Variants in MROH1 observed in about 807,000 individuals in gnomAD.
The protein encoded by MROH1 is maestro heat-like repeat-containing protein family member 1.
MROH1 carries 117 observed loss-of-function variants against 116.5 expected under a neutral mutation model. The observed-to-expected ratio is 1.00, with a 90% CI of 0.86 to 1.17. MROH1 has a LOEUF of 1.17. MROH1 is among the 50% of genes most tolerant of loss of function. MROH1 has a pLI of 0.00. For synonymous variants in MROH1, 921 were observed against 583.9 expected (o/e 1.58, Z -8.32); for missense variants, 1,873 against 1,338.5 (o/e 1.40, Z -6.23).
chr8:144,255,409 A>G, intron 34 of MROH1, 100 bp from the exon 35 acceptor site: 1 of 701,318 alleles, frequency 1.4e-6, no homozygotes, highest in East Asian at 2.7e-5. Context: ...ACCTCCGAGC[A>G]CATGATGCAG....
intron 14 of MROH1, among the ~76,000 whole-genome samples, chr8:144,226,461 C>G (rs1322208881): frequency 1.3e-5 from 2 of 150,954 alleles, no homozygotes. Context: ...TTACGTTGTT[C>G]TTTTTTTTTG....
chr8:144,170,119 C>T (rs1163161293), intron 4 of MROH1, among the ~76,000 whole-genome samples: 2 of 152,216 alleles, frequency 1.3e-5, no homozygotes, highest in Non-Finnish European at 2.9e-5. Flanking sequence ...AGGCGTGAGC[C>T]ACTACCTGGC....
At chr8:144,256,343 G>C (rs1473542460) in intron 35 of MROH1, among the ~76,000 whole-genome samples, 2 of 149,118 alleles carry the variant, frequency 1.3e-5, no homozygotes, top group Non-Finnish European at 3.0e-5. Context: ...AGGCGCCCAG[G>C]TTTGGGTGTG....
chr8:144,197,000 C>T (rs1830052104), intron 10 of MROH1, among the ~76,000 whole-genome samples: 1 of 151,950 alleles, frequency 6.6e-6, no homozygotes, highest in Non-Finnish European at 1.5e-5. Context: ...GAGGCTGAGG[C>T]AGGAGAATCA....
At chr8:144,166,170 C>T (rs540137217) in intron 3 of MROH1, among the ~76,000 whole-genome samples, 31 of 152,262 alleles carry the variant, frequency 2.0e-4, no homozygotes, top group African/African-American at 5.1e-4. Flanking sequence ...TGAGCCACTG[C>T]GCCCGACCCC....
At chr8:144,203,339 C>G (rs918898914) in intron 12 of MROH1, among the ~76,000 whole-genome samples, 1 of 130,274 alleles carries the variant, frequency 7.7e-6, no homozygotes. Context: ...AGGGGAGCGC[C>G]GGCTCTCTGT....
intron 8 of MROH1, among the ~76,000 whole-genome samples, chr8:144,191,228 C>A (rs960107999): frequency 1.3e-5 from 2 of 152,162 alleles, no homozygotes; most frequent in Admixed American, 1.3e-4. Flanking sequence ...TGCCACCACT[C>A]CCGGCTTATT....
rs554925711 is a variant in MROH1, at chr8:144,179,757, C to T, written c.300+171C>T. Among the ~76,000 whole-genome samples, 9 of 152,244 alleles carry T rather than the reference C, an allele frequency of 5.9e-5. No individual in the cohort carries two copies. In the East Asian group the frequency reaches 1.5e-3, roughly 26 times the overall value. On this transcript the variant is annotated intron_variant, in intron 5 of 43. Transcript: ENST00000326134. ...CACCCTGCAGGGGTGGGGGGTGGTCCCCTGTGATTTTCAGAGGCAGCAACT... is the reference window on the plus strand; with the variant it reads ...CACCCTGCAGGGGTGGGGGGTGGTCTCCTGTGATTTTCAGAGGCAGCAACT...
chr8:144,185,404 T>C (rs555052780), intron 7 of MROH1, among the ~76,000 whole-genome samples: 2 of 151,824 alleles, frequency 1.3e-5, no homozygotes, highest in South Asian at 4.2e-4. Flanking sequence ...CCTAGTTCTT[T>C]GAAATAAGTG....
chr8:144,187,286 T>A (rs1588010230), intron 7 of MROH1, among the ~76,000 whole-genome samples: 1 of 152,200 alleles, frequency 6.6e-6, no homozygotes, highest in African/African-American at 2.4e-5. Context: ...GTCACGCACC[T>A]GTAGTCCTAG....
At chr8:144,172,754 C>T (rs1442306278) in intron 4 of MROH1, among the ~76,000 whole-genome samples, 1 of 152,086 alleles carries the variant, frequency 6.6e-6, no homozygotes, top group Non-Finnish European at 1.5e-5. Context: ...TCTCTGAATC[C>T]ACCTACGCCC....
At chr8:144,200,043 G>T (rs541424393) in intron 11 of MROH1, among the ~76,000 whole-genome samples, 86 of 152,298 alleles carry the variant, frequency 5.6e-4, no homozygotes, top group Admixed American at 2.1e-3. Context: ...TTGGGCTGGG[G>T]GTCTGTGTGC....
chr8:144,247,039 T>C (rs1037222587), intron 29 of MROH1, among the ~76,000 whole-genome samples: 1 of 152,192 alleles, frequency 6.6e-6, no homozygotes, highest in Non-Finnish European at 1.5e-5. Flanking sequence ...TGGCCCTCCT[T>C]CTTGTAGGGG....
chr8:144,161,603 T>C (rs1277236549), intron 2 of MROH1, among the ~76,000 whole-genome samples: 1 of 152,208 alleles, frequency 6.6e-6, no homozygotes, highest in Non-Finnish European at 1.5e-5. Context: ...CTGATGTCCA[T>C]TGTCCTGAGA....
In MROH1 at chr8:144,252,082, G is replaced by A. The variant is rs922909096; in HGVS notation, c.3428+1716G>A. ...TCCTTGCCGGACAGTGCTGGGTGCC[G>A]TGTGGGCTGCACTGTGTGTGTGTTT... On this transcript the variant is annotated intron_variant, in intron 33 of 43. Coordinates refer to ENST00000326134, the MANE Select transcript of MROH1 (RefSeq NM_032450.3). 144 of 191,930 alleles carry A rather than the reference G, an allele frequency of 7.5e-4. 3 individuals are homozygous for A. The highest frequency in any genetic ancestry group is 1.9e-4 in the Admixed American group (3 of 16,042). The allele number at this position is 191,930 out of a possible 1,614,324, so 11.9% of individuals were successfully genotyped here. A position where few individuals can be genotyped will look rare whatever the true frequency, so the allele number is the denominator to read the frequency against.
At chr8:144,175,218 A>G in intron 4 of MROH1, 3 of 947,262 alleles carry the variant, frequency 3.2e-6, no homozygotes, top group Non-Finnish European at 2.5e-6. Flanking sequence ...GCCCTGCTGC[A>G]CCCAAGCTGC....
At chr8:144,158,684 A>G (rs1362012858) in intron 1 of MROH1, among the ~76,000 whole-genome samples, 1 of 151,960 alleles carries the variant, frequency 6.6e-6, no homozygotes, top group Non-Finnish European at 1.5e-5. Context: ...TCTTATTGAT[A>G]TATTTAATTC....
intron 7 of MROH1, among the ~76,000 whole-genome samples, chr8:144,181,187 G>GACCC (rs1825539382): frequency 6.7e-6 from 1 of 148,506 alleles, no homozygotes. Flanking sequence ...AGGAGAACAG[G>GACCC]ACCCTCGTGC....
intron 14 of MROH1, among the ~76,000 whole-genome samples, chr8:144,225,311 A>C (rs375917720): frequency 1.3e-5 from 2 of 152,264 alleles, no homozygotes; most frequent in East Asian, 3.9e-4. Context: ...ATGGCTTATA[A>C]ATATGTATTT....
Sources: allele counts gnomAD v4.1 joint callset (sites outside exome capture counted in the v4.1 genomes callset), GRCh38; gene constraint gnomAD v4.1.1; transcripts MANE v1.5; gene names NCBI Gene and HGNC (gene_info 2026-07-23, HGNC 2026-07-21).